Variants in AAGAB observed in about 807,000 individuals in gnomAD.
The protein encoded by AAGAB is alpha- and gamma-adaptin-binding protein p34.
A neutral mutation model predicts 44.1 loss-of-function variants in AAGAB; 38 were observed. That is an observed-to-expected ratio of 0.86 (90% confidence interval 0.67 to 1.13). The LOEUF is 1.13. Among genes scored for constraint, AAGAB ranks in the 50% most tolerant of loss-of-function variants. The pLI is 0.00. For synonymous variants in AAGAB, 131 were observed against 131.8 expected, an observed-to-expected ratio of 0.99 and a Z score of 0.04; for missense variants, 450 against 373.8, an observed-to-expected ratio of 1.20 and a Z score of -1.68.
chr15:67,210,649 G>A (rs1304650015), intron 5 of AAGAB, among the ~76,000 whole-genome samples: 2 of 152,148 alleles, frequency 1.3e-5, no homozygotes, highest in African/African-American at 4.8e-5. Flanking sequence ...ACTGTTCAAA[G>A]TATAAGGGCC....
chr15:67,237,753 CATTA>C lies in AAGAB; in HGVS notation c.74-937_74-934del, dbSNP rs1340509686. Among the ~76,000 whole-genome samples the C allele has an allele frequency of 2.0e-5, 3 of 152,138 alleles. No individual in the cohort carries two copies. The East Asian group carries it at 5.8e-4, about 29-fold the overall frequency. The stretch of plus-strand genomic sequence containing the variant: ...AGCTTATAGAAGTAAAATGACATGC[CATTA>C]ATTGACTTATCAGAAGAATATAATG... On this transcript the variant is annotated intron_variant, in intron 1 of 9. Transcript: ENST00000261880.
intron 5 of AAGAB, among the ~76,000 whole-genome samples, chr15:67,215,333 C>G (rs1963919192): frequency 6.6e-6 from 1 of 152,170 alleles, no homozygotes; most frequent in African/African-American, 2.4e-5. Context: ...AACTGTCAGG[C>G]AGAGGCTGCA....
At chr15:67,242,821 G>GT (rs1389405194) in intron 1 of AAGAB, 2 of 152,168 alleles carry the variant, frequency 1.3e-5, no homozygotes, top group Non-Finnish European at 2.9e-5. Context: ...ACTTGCTGAG[G>GT]TAAGAGTCAC....
At chr15:67,225,273 T>C (rs1264825615) in intron 5 of AAGAB, among the ~76,000 whole-genome samples, 6 of 152,356 alleles carry the variant, frequency 3.9e-5, no homozygotes, top group Non-Finnish European at 7.4e-5. Flanking sequence ...AATAAGATTT[T>C]GCACGTATAC....
intron 5 of AAGAB, among the ~76,000 whole-genome samples, chr15:67,230,491 G>A (rs1254028435): frequency 6.6e-6 from 1 of 152,172 alleles, no homozygotes; most frequent in African/African-American, 2.4e-5. Flanking sequence ...TGTGAAGGAT[G>A]GAGTTATGCT....
intron 6 of AAGAB, among the ~76,000 whole-genome samples, 159 bp downstream of exon 6, chr15:67,209,303 C>G (rs995658576): frequency 2.0e-5 from 3 of 152,238 alleles, no homozygotes; most frequent in Admixed American, 6.5e-5. Flanking sequence ...GGGCTTACTG[C>G]TTTAGCAAGG....
At chr15:67,243,934 G>A (rs1268025332) in intron 1 of AAGAB, among the ~76,000 whole-genome samples, 1 of 152,038 alleles carries the variant, frequency 6.6e-6, no homozygotes, top group East Asian at 1.9e-4. Flanking sequence ...AATAATCTAT[G>A]AATGGTAGAT....
At chr15:67,214,379 T>C (rs1255172937) in intron 5 of AAGAB, among the ~76,000 whole-genome samples, 2 of 152,206 alleles carry the variant, frequency 1.3e-5, no homozygotes, top group Non-Finnish European at 2.9e-5. Context: ...CTAGGCTCCA[T>C]TATCTCTTCA....
intron 5 of AAGAB, among the ~76,000 whole-genome samples, chr15:67,224,825 C>A (rs1046323918): frequency 2.0e-5 from 3 of 152,098 alleles, no homozygotes; most frequent in Admixed American, 2.0e-4. Flanking sequence ...TACTGATCTG[C>A]CCAACTTGGC....
chr15:67,213,837 T>G (rs933124094), intron 5 of AAGAB, among the ~76,000 whole-genome samples: 6 of 152,268 alleles, frequency 3.9e-5, no homozygotes, highest in African/African-American at 1.4e-4. Context: ...TTACAATGTT[T>G]CTTTAATCCT....
chr15:67,213,957 C>G (rs1963882799), intron 5 of AAGAB, among the ~76,000 whole-genome samples: 1 of 152,120 alleles, frequency 6.6e-6, no homozygotes, highest in Non-Finnish European at 1.5e-5. Flanking sequence ...TTTTACAGAA[C>G]AAACTATAAC....
intron 7 of AAGAB, among the ~76,000 whole-genome samples, chr15:67,207,105 G>A (rs549024872): frequency 6.6e-6 from 1 of 152,268 alleles, no homozygotes; most frequent in African/African-American, 2.4e-5. Flanking sequence ...CAGGAGAATC[G>A]CTTGAACCCA....
rs144864920 is a variant in AAGAB, at chr15:67,205,437, G to A, written c.716-1289C>T. 8.7e-3 allele frequency among the ~76,000 whole-genome samples: 1,332 copies of A among 152,302 alleles called. 18 individuals are homozygous for A. The highest frequency in any genetic ancestry group is 0.029 in the African/African-American group (1,204 of 41,552). ...AGTAATTGAGCTGTTAATGTAGACA[G>A]AATCACTCCATGCCTAAATATAGAT... On this transcript the variant is annotated intron_variant, in intron 7 of 9. Coordinates refer to ENST00000261880, the MANE Select transcript of AAGAB (RefSeq NM_024666.5).
At chr15:67,241,807 G>C (rs1964606182) in intron 1 of AAGAB, among the ~76,000 whole-genome samples, 2 of 152,156 alleles carry the variant, frequency 1.3e-5, no homozygotes, top group East Asian at 1.9e-4. Flanking sequence ...CTCCTGACTA[G>C]AGGTAGGTTA....
intron 9 of AAGAB, 77 bp downstream of exon 9, chr15:67,203,471 C>T: frequency 8.1e-7 from 1 of 1,240,812 alleles, no homozygotes; most frequent in South Asian, 1.3e-5. Context: ...CAGAAATACA[C>T]AAGTGTGATA....
At chr15:67,220,907 A>G (rs896765910) in intron 5 of AAGAB, 1 of 152,246 alleles carries the variant, frequency 6.6e-6, no homozygotes, top group Non-Finnish European at 1.5e-5. Context: ...TCCATAGATT[A>G]CTGCCTGCTC....
chr15:67,239,402 T>G (rs1054501490), intron 1 of AAGAB, among the ~76,000 whole-genome samples: 3 of 152,260 alleles, frequency 2.0e-5, no homozygotes, highest in Non-Finnish European at 4.4e-5. Context: ...ACTTTCATTT[T>G]CAAATGATTA....
chr15:67,235,917 C>A lies in AAGAB; in HGVS notation c.451+62G>T. ...TGAATTTTGCTGTGATTCTTCTTCC[C>A]TGAATTAAAATAATCTCTCATATCT... On this transcript the variant is annotated intron_variant, in intron 4 of 9. Transcript: ENST00000261880. 3 of 1,263,452 alleles carry A rather than the reference C, an allele frequency of 2.4e-6. No individual in the cohort carries two copies. In the South Asian group the frequency reaches 4.1e-5, roughly 17 times the overall value. The allele number at this position is 1,263,452 out of a possible 1,614,324, so 78.3% of individuals were successfully genotyped here. A position where few individuals can be genotyped will look rare whatever the true frequency, so the allele number is the denominator to read the frequency against.
intron 5 of AAGAB, among the ~76,000 whole-genome samples, chr15:67,228,142 C>A (rs920147900): frequency 6.6e-6 from 1 of 152,184 alleles, no homozygotes; most frequent in Admixed American, 6.5e-5. Context: ...CAATTTACAA[C>A]CATAAGTGTA....
Sources: gnomAD v4.1 joint callset for allele counts (sites outside exome capture counted in the v4.1 genomes callset) on GRCh38, gnomAD v4.1.1 for gene constraint, MANE v1.5 for transcripts, NCBI Gene and HGNC (gene_info 2026-07-23, HGNC 2026-07-21) for gene names.